ATP10D: variants seen among roughly 807,000 people sequenced by gnomAD.
The protein encoded by ATP10D is ATPase phospholipid transporting 10D (putative), also known as phospholipid-transporting ATPase VD.
Under a neutral mutation model 144.8 loss-of-function variants are expected in ATP10D, and 89 were observed. The ratio of observed to expected loss-of-function variants is 0.61; its 90% CI spans 0.52 to 0.73. The LOEUF is 0.73. Among genes scored for constraint, ATP10D ranks in the 30% least tolerant of loss-of-function variants. The probability of loss-of-function intolerance (pLI) is 0.00; values close to 1 mark genes in which losing one functional copy is unlikely to be tolerated. For synonymous variants in ATP10D, 571 were observed against 615.1 expected, an observed-to-expected ratio of 0.93 and a Z score of 1.06; for missense variants, 1,603 against 1,714.8, an observed-to-expected ratio of 0.93 and a Z score of 1.15.
chr4:47,537,935 T>G (rs1330525148), intron 9 of ATP10D, among the ~76,000 whole-genome samples: 3 of 152,182 alleles, frequency 2.0e-5, no homozygotes, highest in Non-Finnish European at 4.4e-5. Context: ...AGATTAAAAT[T>G]ATGATAAATA....
At chr4:47,569,459 T>C (rs1719831335) in intron 16 of ATP10D, among the ~76,000 whole-genome samples, 1 of 152,210 alleles carries the variant, frequency 6.6e-6, no homozygotes, top group Non-Finnish European at 1.5e-5. Context: ...GAAAAATCCA[T>C]GTGTTCTACC....
At chr4:47,550,620 A>G (rs1718685085) in intron 10 of ATP10D, among the ~76,000 whole-genome samples, 1 of 152,100 alleles carries the variant, frequency 6.6e-6, no homozygotes, top group South Asian at 2.1e-4. Context: ...ACGGATTCCA[A>G]GGAATGGAAT....
At chr4:47,542,006 T>C (rs1487771943) in intron 9 of ATP10D, among the ~76,000 whole-genome samples, 3 of 151,996 alleles carry the variant, frequency 2.0e-5, no homozygotes, top group Non-Finnish European at 4.4e-5. Context: ...TTAAGGTAAG[T>C]ATTAAGAAAT....
intron 1 of ATP10D, among the ~76,000 whole-genome samples, chr4:47,499,575 G>A (rs938167119): frequency 2.0e-5 from 3 of 152,140 alleles, no homozygotes; most frequent in Non-Finnish European, 4.4e-5. Context: ...AAACCTTATG[G>A]AAATGCTTTG....
chr4:47,546,770 A>T lies in ATP10D; in HGVS notation c.1543A>T (p.Asn515Tyr), dbSNP rs1402184760. 6.2e-7 allele frequency: 1 copy of T among 1,614,050 alleles called. No homozygotes were observed. Residue 515 changes from asparagine (N) to tyrosine (Y), a missense_variant, in exon 10 of 23, where the codon AAT becomes TAT. Transcript: ENST00000273859. ...HNGPLGNKPSNHLAGSSFTLG... is the reference protein window; with the variant it reads ...HNGPLGNKPSYHLAGSSFTLG... Reference sequence around the variant, plus strand: ...TGGGCCTTTGGGAAATAAGCCCTCAAATCATCTTGCTGGGAGCTCTTTTAC... The same window carrying T: ...TGGGCCTTTGGGAAATAAGCCCTCATATCATCTTGCTGGGAGCTCTTTTAC...
At chr4:47,500,969 G>A (rs141214018) in intron 1 of ATP10D, among the ~76,000 whole-genome samples, 2 of 152,310 alleles carry the variant, frequency 1.3e-5, no homozygotes, top group Admixed American at 6.5e-5. Flanking sequence ...CGGTCAGGAC[G>A]TTAAAGTGAC....
intron 19 of ATP10D, 90 bp from the exon 20 acceptor site, chr4:47,580,308 G>A (rs1720445358): frequency 4.7e-6 from 5 of 1,053,484 alleles, no homozygotes; most frequent in Non-Finnish European, 7.3e-6. Flanking sequence ...CTTTCTCTCA[G>A]AGAAACAAAT....
At chr4:47,559,298 G>C (rs1560445129) in intron 13 of ATP10D, among the ~76,000 whole-genome samples, 1 of 152,110 alleles carries the variant, frequency 6.6e-6, no homozygotes, top group Non-Finnish European at 1.5e-5. Flanking sequence ...CAGTTGTTTG[G>C]CTGGGAATAA....
At chr4:47,489,079 T>C (rs1406117529) in intron 1 of ATP10D, among the ~76,000 whole-genome samples, 2 of 152,222 alleles carry the variant, frequency 1.3e-5, no homozygotes, top group Non-Finnish European at 2.9e-5. Context: ...CGGAGACAGA[T>C]GAATACTGCT....
At position 47,513,838 on chromosome 4, in the gene ATP10D, T is replaced by G. The variant is rs887782207; in HGVS notation, c.290+1008T>G. The stretch of plus-strand genomic sequence containing the variant: ...CTATGGAAGCAGTGTGGTGGGTAGA[T>G]GAAAAGACTTAGAGATGATGGCAGA... On this transcript the variant is annotated intron_variant, in intron 2 of 22. Coordinates refer to ENST00000273859, the MANE Select transcript of ATP10D (RefSeq NM_020453.4). Among the ~76,000 whole-genome samples, 5 of 152,296 alleles carry G rather than the reference T, an allele frequency of 3.3e-5. No individual in the cohort carries two copies. In the East Asian group the frequency reaches 9.7e-4, roughly 29 times the overall value.
At chr4:47,508,742 C>A (rs911168309) in intron 1 of ATP10D, among the ~76,000 whole-genome samples, 2 of 152,142 alleles carry the variant, frequency 1.3e-5, no homozygotes, top group Admixed American at 1.3e-4. Context: ...GTGAATTTAT[C>A]TCTATTTTAA....
At chr4:47,553,925 A>T (rs1379682609) in intron 10 of ATP10D, among the ~76,000 whole-genome samples, 1 of 152,212 alleles carries the variant, frequency 6.6e-6, no homozygotes, top group Non-Finnish European at 1.5e-5. Flanking sequence ...GCTTTTGTAC[A>T]ACCTTGATTT....
chr4:47,525,013 T>C lies in ATP10D; in HGVS notation c.691-544T>C, dbSNP rs181002791. Among the ~76,000 whole-genome samples, 231 of 152,326 alleles carry C rather than the reference T, an allele frequency of 1.5e-3. 1 individual carries two copies. The highest frequency in any genetic ancestry group is 5.3e-3 in the African/African-American group (219 of 41,586). ...GAATCCATACCTTAAAGGAGCTATG[T>C]CCTACAAAGGCACTTTGCTTATTTG... On this transcript the variant is annotated intron_variant, in intron 4 of 22. Transcript: ENST00000273859.
intron 16 of ATP10D, among the ~76,000 whole-genome samples, 169 bp from the exon 17 acceptor site, chr4:47,571,985 C>G (rs1719975854): frequency 3.9e-5 from 6 of 152,170 alleles, no homozygotes; most frequent in Admixed American, 3.9e-4. Context: ...TTCCTGATGG[C>G]AGTGGGATGC....
chr4:47,576,732 T>C, intron 18 of ATP10D, 41 bp from the exon 19 acceptor site: 1 of 1,573,636 alleles, frequency 6.4e-7, no homozygotes, highest in Non-Finnish European at 8.7e-7. Context: ...TAGCACACAT[T>C]ACTGATTCTA....
At chr4:47,512,996 G>T (rs1368235408) in intron 2 of ATP10D, 166 bp downstream of exon 2, 5 of 657,612 alleles carry the variant, frequency 7.6e-6, no homozygotes, top group Non-Finnish European at 7.5e-6. Flanking sequence ...TCCCATTCAC[G>T]TAGCACTTTC....
At chr4:47,527,920 A>T (rs1287874567) in intron 5 of ATP10D, among the ~76,000 whole-genome samples, 1 of 152,190 alleles carries the variant, frequency 6.6e-6, no homozygotes, top group African/African-American at 2.4e-5. Flanking sequence ...ATATTTGTCC[A>T]TTCTATGACC....
intron 5 of ATP10D, among the ~76,000 whole-genome samples, chr4:47,528,744 A>G (rs1209886260): frequency 6.6e-6 from 1 of 152,112 alleles, no homozygotes; most frequent in African/African-American, 2.4e-5. Context: ...TGTTATCCAC[A>G]GGGGTTATAC....
intron 3 of ATP10D, among the ~76,000 whole-genome samples, chr4:47,519,606 T>C (rs1425142636): frequency 6.6e-6 from 1 of 152,238 alleles, no homozygotes; most frequent in Non-Finnish European, 1.5e-5. Flanking sequence ...GTTTAACCTG[T>C]GGTTGCTTTC....
Sources: allele counts gnomAD v4.1 joint callset (sites outside exome capture counted in the v4.1 genomes callset), GRCh38; gene constraint gnomAD v4.1.1; transcripts MANE v1.5; gene names NCBI Gene and HGNC (gene_info 2026-07-23, HGNC 2026-07-21).